Variants in ATP13A3 observed in about 807,000 individuals in gnomAD.
The protein encoded by ATP13A3 is polyamine-transporting ATPase 13A3.
Under a neutral mutation model 158.1 loss-of-function variants are expected in ATP13A3, and 59 were observed. The ratio of observed to expected loss-of-function variants is 0.37; its 90% confidence interval spans 0.30 to 0.46. The LOEUF is 0.46. ATP13A3 is among the 20% of genes least tolerant of loss of function. The pLI, the probability that ATP13A3 is intolerant of heterozygous loss-of-function variation, is 1.00. For synonymous variants in ATP13A3, 491 were observed against 504.3 expected, an observed-to-expected ratio of 0.97 and a Z score of 0.35; for missense variants, 1,166 against 1,525.2, an observed-to-expected ratio of 0.76 and a Z score of 3.92.
chr3:194,416,973 G>A (rs188230116), intron 31 of ATP13A3, among the ~76,000 whole-genome samples: 277 of 152,188 alleles, frequency 1.8e-3, no homozygotes, highest in Non-Finnish European at 2.3e-3. Flanking sequence ...AACCATTAGG[G>A]AGAAAACTAT....
In ATP13A3 at chr3:194,404,757, C is replaced by T. The variant is rs1236832007; in HGVS notation, c.*1162G>A. The T allele has an allele frequency of 6.6e-6, 1 of 152,002 alleles. No individual in the cohort carries two copies. Among genetic ancestry groups the T allele is most frequent in the Non-Finnish European group, 1.5e-5 (1 of 67,994 alleles). The allele number at this position is 152,002 out of a possible 1,614,324, so 9.4% of individuals were successfully genotyped here. Reference sequence around the variant, plus strand: ...TAACTTTATTTCCTCAATTTTTTTTCTCCCAGAAATTTCCGCATCAAATAT... The same window carrying T: ...TAACTTTATTTCCTCAATTTTTTTTTTCCCAGAAATTTCCGCATCAAATAT... On this transcript the variant is annotated 3_prime_UTR_variant, in exon 34 of 34. Transcript: ENST00000645319.
chr3:194,473,614 C>T (rs551406652), intron 2 of ATP13A3, among the ~76,000 whole-genome samples: 1 of 152,176 alleles, frequency 6.6e-6, no homozygotes, highest in South Asian at 2.1e-4. Context: ...CTTGAACGTG[C>T]CAATCTCATC....
chr3:194,408,351 G>C (rs1715107531), intron 33 of ATP13A3, among the ~76,000 whole-genome samples: 1 of 152,160 alleles, frequency 6.6e-6, no homozygotes, highest in Non-Finnish European at 1.5e-5. Flanking sequence ...AGCACTGTTA[G>C]ATTACCACAG....
chr3:194,429,921 A>T (rs1357168342), intron 26 of ATP13A3, 147 bp from the exon 27 acceptor site: 1 of 949,156 alleles, frequency 1.1e-6, no homozygotes. Context: ...CCAAATGAGG[A>T]GTAGCAATCA....
At chr3:194,465,325 C>T (rs906858803) in intron 2 of ATP13A3, among the ~76,000 whole-genome samples, 7 of 152,244 alleles carry the variant, frequency 4.6e-5, no homozygotes, top group African/African-American at 1.7e-4. Flanking sequence ...CTGGTCAGAT[C>T]ACCAGAAGAG....
chr3:194,409,549 A>C (rs1411138162), intron 33 of ATP13A3, among the ~76,000 whole-genome samples: 1 of 152,184 alleles, frequency 6.6e-6, no homozygotes, highest in African/African-American at 2.4e-5. Context: ...AGAAGATACG[A>C]CACAGATCTC....
chr3:194,416,101 T>C (rs1287208892), intron 31 of ATP13A3, among the ~76,000 whole-genome samples: 5 of 152,194 alleles, frequency 3.3e-5, no homozygotes, highest in Non-Finnish European at 7.3e-5. Flanking sequence ...TGAATACTGA[T>C]CAGCTATAAT....
intron 2 of ATP13A3, among the ~76,000 whole-genome samples, chr3:194,467,387 T>C (rs2109004262): frequency 6.6e-6 from 1 of 152,354 alleles, no homozygotes; most frequent in Non-Finnish European, 1.5e-5. Flanking sequence ...TAGCAATCTA[T>C]TTTCATACTT....
intron 27 of ATP13A3, 22 bp downstream of exon 27, chr3:194,429,656 T>C: frequency 6.4e-7 from 1 of 1,556,332 alleles, no homozygotes; most frequent in Non-Finnish European, 8.8e-7. Flanking sequence ...GTGTTATCTC[T>C]GCACACAATG....
At chr3:194,417,492 G>T (rs1577029909) in intron 31 of ATP13A3, among the ~76,000 whole-genome samples, 1 of 150,618 alleles carries the variant, frequency 6.6e-6, no homozygotes, top group South Asian at 2.1e-4. Flanking sequence ...AGGTCATGAT[G>T]AACAACAATG....
rs769606088 is a variant in ATP13A3, at chr3:194,405,512, G to A, written c.*407C>T. Reference sequence around the variant, plus strand: ...TTTATCAATCACAAACTTACAGCCTGTATATAAACACAGACTTTTCTAACA... The same window carrying A: ...TTTATCAATCACAAACTTACAGCCTATATATAAACACAGACTTTTCTAACA... On this transcript the variant is annotated 3_prime_UTR_variant, in exon 34 of 34. Coordinates refer to ENST00000645319, the MANE Select transcript of ATP13A3 (RefSeq NM_001367549.1). 6.0e-6 allele frequency: 1 copy of A among 165,558 alleles called. No homozygotes were observed. The highest frequency in any genetic ancestry group is 1.6e-4 in the South Asian group (1 of 6,320). The allele number at this position is 165,558 out of a possible 1,614,324, so 10.3% of individuals were successfully genotyped here. A position where few individuals can be genotyped will look rare whatever the true frequency, so the allele number is the denominator to read the frequency against.
intron 32 of ATP13A3, chr3:194,412,675 C>T (rs1715528426): frequency 5.3e-6 from 1 of 189,648 alleles, no homozygotes. Context: ...CAACACAAAC[C>T]ATTCTTTAGG....
At position 194,448,601 on chromosome 3, in the gene ATP13A3, T is replaced by G; in HGVS notation, c.1006A>C (p.Asn336His). ...ATTCCTTTCACATCCACTGAAGGAT[T>G]TGGCAAATTAGTCTTTGTCACTGGA... ...SVPVTKTNLP[N>H]PSVDVKGIGD... Residue 336 changes from asparagine to histidine, a missense_variant, in exon 12 of 34, where the codon AAT becomes CAT. Transcript: ENST00000645319. The surrounding 1 kb of genome is among the most constrained non-coding windows in gnomAD (Gnocchi z 4.0). The G allele has an allele frequency of 1.9e-6, 3 of 1,613,316 alleles. No individual in the cohort carries two copies. Among genetic ancestry groups the G allele is most frequent in the Middle Eastern group, 1.7e-4 (1 of 6,024 alleles).
chr3:194,485,687 T>C (rs1720938574), intron 2 of ATP13A3, 107 bp downstream of exon 2: 1 of 152,242 alleles, frequency 6.6e-6, no homozygotes, highest in Non-Finnish European at 1.5e-5. Flanking sequence ...CAAGTCTGTT[T>C]CTAGGTGTAC....
chr3:194,468,433 G>GA (rs141773223), intron 2 of ATP13A3, among the ~76,000 whole-genome samples: 19,359 of 148,358 alleles, frequency 0.13, 3,479 homozygotes, highest in African/African-American at 0.41. Context: ...AAGCTACTGG[G>GA]AAAAAAAATC....
At chr3:194,475,257 A>G (rs1399991819) in intron 2 of ATP13A3, among the ~76,000 whole-genome samples, 1 of 152,214 alleles carries the variant, frequency 6.6e-6, no homozygotes, top group Non-Finnish European at 1.5e-5. Context: ...TGTATGGTTC[A>G]CTTCAGAATT....
Position 194,433,824 on chromosome 3 carries a change from A to G in ATP13A3, c.2193T>C (p.Pro731=), listed in dbSNP as rs879625991. ...CTTTATGCAAATCTTCAAGTACTGCAGGGGTTTCTTGCTTTAATTTGTTCT... is the reference window on the plus strand; with the variant it reads ...CTTTATGCAAATCTTCAAGTACTGCGGGGGTTTCTTGCTTTAATTTGTTCT... The part of the protein sequence containing the change: ...IMQNKLKQET[P]AVLEDLHKAN... The change falls in exon 21 of 34, where the codon CCT becomes CCC. Residue 731 remains proline, a synonymous_variant. Transcript: ENST00000645319. 1.3e-5 allele frequency: 21 copies of G among 1,613,998 alleles called. No homozygotes were observed. Among genetic ancestry groups the G allele is most frequent in the Non-Finnish European group, 1.8e-5 (21 of 1,179,986 alleles).
intron 33 of ATP13A3, among the ~76,000 whole-genome samples, chr3:194,409,681 C>T (rs1469837828): frequency 7.9e-6 from 1 of 126,442 alleles, no homozygotes; most frequent in Admixed American, 7.6e-5. Flanking sequence ...TTGATAATCA[C>T]TGACGTAAAG....
intron 29 of ATP13A3, 52 bp downstream of exon 29, chr3:194,427,023 A>G (rs1383980280): frequency 1.9e-6 from 3 of 1,546,184 alleles, no homozygotes; most frequent in Non-Finnish European, 2.6e-6. Flanking sequence ...TTTTTATATC[A>G]TATATGTTGC....
Sources: gnomAD v4.1 joint callset for allele counts (sites outside exome capture counted in the v4.1 genomes callset) on GRCh38, gnomAD v4.1.1 for gene constraint, Gnocchi (gnomAD v3.1) non-coding constraint, MANE v1.5 for transcripts, NCBI Gene and HGNC (gene_info 2026-07-23, HGNC 2026-07-21) for gene names.